Variants in IL17RD observed in about 807,000 individuals in gnomAD.
IL17RD encodes the protein interleukin-17 receptor D.
A neutral mutation model predicts 80.5 loss-of-function variants in IL17RD; 52 were observed. That is an observed-to-expected ratio of 0.65 (90% CI 0.52 to 0.81). The LOEUF (loss-of-function observed/expected upper bound fraction) is 0.81. IL17RD is among the 40% of genes least tolerant of loss of function. The probability of loss-of-function intolerance (pLI) is 0.00; values close to 1 mark genes in which losing one functional copy is unlikely to be tolerated. For missense variants in IL17RD, 1,024 were observed against 955.1 expected (o/e 1.07, Z -0.95); for synonymous variants, 416 against 391.8 (o/e 1.06, Z -0.73).
At chr3:57,107,832 C>A (rs1706998812) in intron 5 of IL17RD, among the ~76,000 whole-genome samples, 1 of 152,052 alleles carries the variant, frequency 6.6e-6, no homozygotes, top group African/African-American at 2.4e-5. Context: ...GGGGATGGTA[C>A]GACTAAATTC....
At chr3:57,146,059 A>T (rs563867865) in intron 1 of IL17RD, among the ~76,000 whole-genome samples, 16 of 151,962 alleles carry the variant, frequency 1.1e-4, no homozygotes, top group Middle Eastern at 3.4e-3. Flanking sequence ...ACACACACAC[A>T]CTGATGCATG....
intron 5 of IL17RD, among the ~76,000 whole-genome samples, chr3:57,108,925 T>C (rs940758993): frequency 1.3e-5 from 2 of 152,134 alleles, no homozygotes; most frequent in African/African-American, 2.4e-5. Flanking sequence ...GCCGAGAGCA[T>C]AGGCATGTGC....
intron 3 of IL17RD, among the ~76,000 whole-genome samples, 156 bp from the exon 4 acceptor site, chr3:57,110,467 C>T (rs1271972615): frequency 2.0e-5 from 3 of 152,192 alleles, no homozygotes; most frequent in African/African-American, 4.8e-5. Context: ...GGAAAAAACA[C>T]ACCCCCTGCA....
chr3:57,154,757 A>AT (rs1027974261), intron 1 of IL17RD, among the ~76,000 whole-genome samples: 2 of 151,994 alleles, frequency 1.3e-5, no homozygotes, highest in South Asian at 2.1e-4. Flanking sequence ...CAGATGTTAC[A>AT]TTTTTTCTGC....
intron 1 of IL17RD, among the ~76,000 whole-genome samples, chr3:57,144,336 C>T (rs1006819832): frequency 3.3e-5 from 5 of 152,188 alleles, no homozygotes; most frequent in Non-Finnish European, 7.3e-5. Context: ...CTTCCTTTCC[C>T]TAGCCGTTCA....
intron 1 of IL17RD, among the ~76,000 whole-genome samples, chr3:57,129,766 C>A (rs1707568583): frequency 6.6e-6 from 1 of 152,194 alleles, no homozygotes; most frequent in Admixed American, 6.5e-5. Flanking sequence ...CTTCTGTCAG[C>A]CGATTAAGTC....
intron 1 of IL17RD, among the ~76,000 whole-genome samples, chr3:57,152,883 C>T (rs1157974291): frequency 6.6e-6 from 1 of 152,098 alleles, no homozygotes; most frequent in South Asian, 2.1e-4. Context: ...TTTCTTAGCA[C>T]AAAGGAAAGA....
chr3:57,165,578 G>T (rs931072291), upstream of IL17RD, among the ~76,000 whole-genome samples: 1 of 149,762 alleles, frequency 6.7e-6, no homozygotes, highest in Admixed American at 6.7e-5. Context: ...TCACTTAGTA[G>T]ATCTTTTTTT....
intron 1 of IL17RD, among the ~76,000 whole-genome samples, chr3:57,124,700 C>T (rs535816521): frequency 3.1e-4 from 47 of 152,288 alleles, no homozygotes; most frequent in Middle Eastern, 6.8e-3. Context: ...AGACAATAAA[C>T]GTAAGTCATT....
chr3:57,113,515 G>A (rs1707143321), intron 3 of IL17RD, among the ~76,000 whole-genome samples: 1 of 152,082 alleles, frequency 6.6e-6, no homozygotes, highest in Admixed American at 6.5e-5. Context: ...GGAATTACAG[G>A]CATGAGCCAC....
chr3:57,108,270 G>T (rs1182207879), intron 5 of IL17RD, among the ~76,000 whole-genome samples: 2 of 151,782 alleles, frequency 1.3e-5, no homozygotes, highest in Non-Finnish European at 2.9e-5. Context: ...TGACCAGGTT[G>T]GTCTCGAACT....
chr3:57,136,362 G>A (rs1707724747), intron 1 of IL17RD, among the ~76,000 whole-genome samples: 1 of 152,218 alleles, frequency 6.6e-6, no homozygotes, highest in Non-Finnish European at 1.5e-5. Flanking sequence ...GCCAGGGATG[G>A]TGGCTCCCAC....
intron 1 of IL17RD, among the ~76,000 whole-genome samples, chr3:57,163,656 G>A (rs1030944907): frequency 1.3e-4 from 19 of 151,972 alleles, no homozygotes; most frequent in Non-Finnish European, 1.2e-4. Context: ...TCCTCCTTGA[G>A]GAAACTTGCT....
chr3:57,128,058 G>A (rs761634039), intron 1 of IL17RD, among the ~76,000 whole-genome samples: 1 of 152,208 alleles, frequency 6.6e-6, no homozygotes, highest in Admixed American at 6.5e-5. Context: ...ATCTGTTCAA[G>A]ATATTCTCTC....
chr3:57,146,035 G>GCATGCA (rs781080176), intron 1 of IL17RD, among the ~76,000 whole-genome samples: 1 of 151,274 alleles, frequency 6.6e-6, no homozygotes, highest in African/African-American at 2.4e-5. Context: ...ACACTCACGC[G>GCATGCA]CGCGCGCGCG....
chr3:57,164,997 G>A (rs2060337070), intron 1 of IL17RD, 164 bp downstream of exon 1: 5 of 1,337,082 alleles, frequency 3.7e-6, no homozygotes, highest in Admixed American at 8.2e-5. Context: ...CACGCGTCCG[G>A]GGAGGGAAAC....
At chr3:57,139,458 A>G (rs979125190) in intron 1 of IL17RD, among the ~76,000 whole-genome samples, 5 of 151,484 alleles carry the variant, frequency 3.3e-5, no homozygotes, top group Admixed American at 1.3e-4. Context: ...TTGAGTGTGA[A>G]TATTATATAT....
At chr3:57,118,325 C>G (rs1351173059) in intron 2 of IL17RD, among the ~76,000 whole-genome samples, 1 of 152,184 alleles carries the variant, frequency 6.6e-6, no homozygotes, top group Non-Finnish European at 1.5e-5. Flanking sequence ...ATAGCCATGC[C>G]AGCAACTGTG....
At chr3:57,140,607 T>C (rs1189158139) in intron 1 of IL17RD, among the ~76,000 whole-genome samples, 1 of 152,178 alleles carries the variant, frequency 6.6e-6, no homozygotes, top group Middle Eastern at 3.2e-3. Context: ...CAGATGTACA[T>C]CCATAGCCCC....
Sources: gnomAD v4.1 joint callset for allele counts (sites outside exome capture counted in the v4.1 genomes callset) on GRCh38, gnomAD v4.1.1 for gene constraint, MANE v1.5 for transcripts, NCBI Gene and HGNC (gene_info 2026-07-23, HGNC 2026-07-21) for gene names.